Variants in LRRC7 observed in about 807,000 individuals in gnomAD.
LRRC7 encodes the protein leucine-rich repeat-containing protein 7.
In LRRC7, 23 loss-of-function variants were observed where a neutral mutation model predicts 175.7. The observed-to-expected ratio is 0.13, with a 90% confidence interval of 0.09 to 0.19. LRRC7 has a LOEUF of 0.19. LRRC7 is among the 10% of genes least tolerant of loss of function. LRRC7 has a pLI of 1.00. For missense variants in LRRC7, 1,354 were observed against 1,904.7 expected (o/e 0.71, Z 5.38); for synonymous variants, 685 against 680.9 (o/e 1.01, Z -0.09).
intron 7 of LRRC7, among the ~76,000 whole-genome samples, chr1:69,929,549 C>A (rs1647203470): frequency 6.6e-6 from 1 of 152,170 alleles, no homozygotes; most frequent in Non-Finnish European, 1.5e-5. Flanking sequence ...CACATCTCAG[C>A]ACCTTTACCA....
intron 1 of LRRC7, among the ~76,000 whole-genome samples, chr1:69,674,561 T>C (rs984293378): frequency 6.6e-6 from 1 of 152,204 alleles, no homozygotes; most frequent in Non-Finnish European, 1.5e-5. Flanking sequence ...AAATATTTTC[T>C]AAATTCTCTA....
At chr1:69,618,226 G>C (rs1271741708) in intron 1 of LRRC7, among the ~76,000 whole-genome samples, 1 of 152,112 alleles carries the variant, frequency 6.6e-6, no homozygotes, top group Non-Finnish European at 1.5e-5. Context: ...CACTGGGGCT[G>C]TGCCTTTCTT....
chr1:69,834,661 C>A, intron 5 of LRRC7, 119 bp from the exon 6 acceptor site: 3 of 824,450 alleles, frequency 3.6e-6, no homozygotes, highest in Non-Finnish European at 5.9e-6. Flanking sequence ...ACTGTAATAC[C>A]AAAGGAGAGT....
chr1:69,809,456 G>A (rs1267852991), intron 4 of LRRC7, among the ~76,000 whole-genome samples: 1 of 152,054 alleles, frequency 6.6e-6, no homozygotes, highest in African/African-American at 2.4e-5. Context: ...CCAAAACCTG[G>A]CAGAGACACA....
chr1:69,960,424 A>G (rs944980170), intron 8 of LRRC7, among the ~76,000 whole-genome samples: 2 of 152,004 alleles, frequency 1.3e-5, no homozygotes, highest in African/African-American at 4.8e-5. Context: ...TAAGTTTTTC[A>G]AAAAGCTAGC....
chr1:69,711,748 A>G (rs1247723589), intron 2 of LRRC7, among the ~76,000 whole-genome samples: 1 of 152,204 alleles, frequency 6.6e-6, no homozygotes, highest in African/African-American at 2.4e-5. Flanking sequence ...ATAAACACTG[A>G]TTATAAGCAT....
intron 1 of LRRC7, among the ~76,000 whole-genome samples, chr1:69,656,191 C>A (rs556886278): frequency 3.3e-5 from 5 of 151,960 alleles, no homozygotes; most frequent in African/African-American, 1.2e-4. Context: ...ATTCCCAGTA[C>A]CATAATCACC....
At chr1:69,842,675 T>C (rs1681860694) in intron 7 of LRRC7, among the ~76,000 whole-genome samples, 1 of 152,126 alleles carries the variant, frequency 6.6e-6, no homozygotes, top group African/African-American at 2.4e-5. Flanking sequence ...CTAAGAGTTG[T>C]TGGAAGAAGT....
At position 70,125,885 on chromosome 1, in the gene LRRC7, G is replaced by A. The variant is rs888863716; in HGVS notation, c.*3998G>A. Reference sequence around the variant, plus strand: ...TTCAAATATTAAGTGAAAAGTATCTGAATTTGTCAAAATGGTTAGATGAAA... The same window carrying A: ...TTCAAATATTAAGTGAAAAGTATCTAAATTTGTCAAAATGGTTAGATGAAA... On this transcript the variant is annotated 3_prime_UTR_variant, in exon 27 of 27. Coordinates refer to ENST00000651989, the MANE Select transcript of LRRC7 (RefSeq NM_001370785.2). Among the ~76,000 whole-genome samples, 1 of 150,946 alleles carries A rather than the reference G, an allele frequency of 6.6e-6. No homozygotes were observed. Among genetic ancestry groups the A allele is most frequent in the South Asian group, 2.1e-4 (1 of 4,800 alleles).
intron 2 of LRRC7, among the ~76,000 whole-genome samples, chr1:69,711,679 G>C (rs1024685144): frequency 6.6e-6 from 1 of 152,132 alleles, no homozygotes; most frequent in African/African-American, 2.4e-5. Flanking sequence ...CCTATTTACC[G>C]TGTCGTCATG....
At chr1:69,750,734 C>T (rs926466283) in intron 2 of LRRC7, among the ~76,000 whole-genome samples, 1 of 152,146 alleles carries the variant, frequency 6.6e-6, no homozygotes, top group African/African-American at 2.4e-5. Flanking sequence ...GTTGCTGTGT[C>T]TTCACATGGC....
At chr1:69,920,291 T>C (rs1646850927) in intron 7 of LRRC7, 1 of 151,306 alleles carries the variant, frequency 6.6e-6, no homozygotes, top group Non-Finnish European at 1.5e-5. Context: ...CAGCACCCTT[T>C]CACCCCCAAT....
chr1:70,021,078 C>T lies in LRRC7; in HGVS notation c.1494C>T (p.Ala498=). 2 of 1,612,766 alleles carry T rather than the reference C, an allele frequency of 1.2e-6. No individual in the cohort carries two copies. The highest frequency in any genetic ancestry group is 1.7e-6 in the Non-Finnish European group (2 of 1,179,058). ...AGAGACAACAACGCATGACTGTTGC[C>T]TTTGAATTTGAAGACAAAAAAGAAG... ...EEQRQQRMTV[A]FEFEDKKEDD... is the part of the protein sequence containing the mutation. The change falls in exon 16 of 27, where the codon GCC becomes GCT. Residue 498 remains alanine, a synonymous_variant. Coordinates refer to ENST00000651989, the MANE Select transcript of LRRC7 (RefSeq NM_001370785.2).
chr1:69,965,610 A>C (rs942517185), intron 8 of LRRC7, among the ~76,000 whole-genome samples: 4 of 152,176 alleles, frequency 2.6e-5, no homozygotes, highest in African/African-American at 9.6e-5. Flanking sequence ...TGAGTAATTA[A>C]ATTTTTTAAA....
intron 3 of LRRC7, among the ~76,000 whole-genome samples, chr1:69,770,461 G>T (rs149514739): frequency 1.3e-5 from 2 of 152,222 alleles, no homozygotes; most frequent in East Asian, 3.9e-4. Flanking sequence ...GACAAATTTT[G>T]AAATGCTATT....
intron 2 of LRRC7, among the ~76,000 whole-genome samples, chr1:69,744,879 A>G (rs942361850): frequency 1.3e-5 from 2 of 151,924 alleles, no homozygotes; most frequent in African/African-American, 4.8e-5. Context: ...CAAATAAAAG[A>G]TAACATAGTA....
At chr1:69,962,647 T>G (rs1651217857) in intron 8 of LRRC7, among the ~76,000 whole-genome samples, 1 of 152,092 alleles carries the variant, frequency 6.6e-6, no homozygotes, top group Admixed American at 6.5e-5. Flanking sequence ...TATGCAGCCA[T>G]AAAAAAGAGC....
intron 8 of LRRC7, among the ~76,000 whole-genome samples, chr1:69,937,528 A>G (rs1397052022): frequency 6.6e-6 from 1 of 152,068 alleles, no homozygotes; most frequent in African/African-American, 2.4e-5. Flanking sequence ...ATGATCTTCT[A>G]TATAAACTAT....
intron 1 of LRRC7, chr1:69,608,135 A>G (rs187397967): frequency 6.5e-6 from 1 of 152,688 alleles, no homozygotes; most frequent in Admixed American, 6.5e-5. Context: ...CTAACATTCC[A>G]TTGTTGTCCA....
Sources: allele counts gnomAD v4.1 joint callset (sites outside exome capture counted in the v4.1 genomes callset), GRCh38; gene constraint gnomAD v4.1.1; transcripts MANE v1.5; gene names NCBI Gene and HGNC (gene_info 2026-07-23, HGNC 2026-07-21).